Variants in CDH4 observed in about 807,000 individuals in gnomAD.
CDH4 encodes the protein cadherin 4, also known as cadherin-4.
CDH4 carries 33 observed loss-of-function variants against 86.0 expected under a neutral mutation model. The observed-to-expected ratio is 0.38, with a 90% CI of 0.29 to 0.51. CDH4 has a LOEUF of 0.51. CDH4 is among the 20% of genes least tolerant of loss of function. CDH4 has a pLI of 0.86. For missense variants in CDH4, 1,114 were observed against 1,307.4 expected, an observed-to-expected ratio of 0.85 and a Z score of 2.28; for synonymous variants, 555 against 549.4, an observed-to-expected ratio of 1.01 and a Z score of -0.14.
At chr20:61,710,657 C>T (rs2087880086) in intron 2 of CDH4, among the ~76,000 whole-genome samples, 1 of 152,360 alleles carries the variant, frequency 6.6e-6, no homozygotes, top group Middle Eastern at 3.4e-3. Flanking sequence ...GAGGAAGGGG[C>T]AAGGGCCCAT....
chr20:61,299,054 G>C (rs182190168), intron 2 of CDH4, among the ~76,000 whole-genome samples: 5 of 152,072 alleles, frequency 3.3e-5, no homozygotes, highest in Non-Finnish European at 7.4e-5. Flanking sequence ...GAACCTGTGC[G>C]CGTGATCATA....
chr20:61,549,779 C>T, intron 2 of CDH4, among the ~76,000 whole-genome samples: 1 of 152,256 alleles, frequency 6.6e-6, no homozygotes. Context: ...AGTCCAGATA[C>T]ATGAGCGCTT....
chr20:61,477,127 C>T (rs6121597), intron 2 of CDH4, among the ~76,000 whole-genome samples: 1,556 of 152,238 alleles, frequency 0.01, 31 homozygotes, highest in African/African-American at 0.036. Context: ...GGGAGAGATG[C>T]CTGGTCCCTG....
chr20:61,907,883 C>T (rs1043065082), intron 8 of CDH4, among the ~76,000 whole-genome samples: 2 of 152,160 alleles, frequency 1.3e-5, no homozygotes, highest in Non-Finnish European at 1.5e-5. Context: ...TGTGGCTGAG[C>T]GTGGCCATCG....
At chr20:61,295,512 A>G (rs2084347297) in intron 2 of CDH4, among the ~76,000 whole-genome samples, 1 of 152,238 alleles carries the variant, frequency 6.6e-6, no homozygotes, top group South Asian at 2.1e-4. Context: ...AGTAATCAGT[A>G]GCAATGGCCG....
At chr20:61,640,648 T>G (rs1025644772) in intron 2 of CDH4, among the ~76,000 whole-genome samples, 1 of 152,178 alleles carries the variant, frequency 6.6e-6, no homozygotes, top group East Asian at 1.9e-4. Flanking sequence ...CGAGACGGAC[T>G]GGAGATGCAT....
chr20:61,418,425 A>T (rs2085158973), intron 2 of CDH4, among the ~76,000 whole-genome samples: 1 of 151,930 alleles, frequency 6.6e-6, no homozygotes, highest in African/African-American at 2.4e-5. Context: ...GTTAGCCAGG[A>T]TGGTCTCGAT....
rs536872054 is a variant in CDH4, at chr20:61,659,726, C to T, written c.170-83837C>T. ...GCCTCAGGCATCCGAGGCTTGGAGG[C>T]AGGAGGAGGGTGGGCCTCAGCCATC... On this transcript the variant is annotated intron_variant, in intron 2 of 15. Coordinates refer to ENST00000614565, the MANE Select transcript of CDH4 (RefSeq NM_001794.5). Among the ~76,000 whole-genome samples the T allele has an allele frequency of 6.2e-4, 93 of 151,064 alleles. 1 individual carries two copies. The highest frequency in any genetic ancestry group is 2.0e-3 in the African/African-American group (83 of 40,896).
intron 2 of CDH4, among the ~76,000 whole-genome samples, chr20:61,292,118 C>A (rs1448512253): frequency 6.6e-6 from 1 of 152,206 alleles, no homozygotes; most frequent in African/African-American, 2.4e-5. Context: ...CTTGATCCAG[C>A]AATCCCACTA....
chr20:61,408,591 A>G (rs1193913141), intron 2 of CDH4, among the ~76,000 whole-genome samples: 4 of 152,182 alleles, frequency 2.6e-5, no homozygotes, highest in African/African-American at 9.7e-5. Flanking sequence ...CAGAGGGTGA[A>G]CAAAGCAATA....
At chr20:61,577,834 A>G (rs2145714805) in intron 2 of CDH4, among the ~76,000 whole-genome samples, 1 of 152,286 alleles carries the variant, frequency 6.6e-6, no homozygotes. Context: ...GACATAATGA[A>G]CATTTCTGAT....
chr20:61,454,372 T>A (rs1250100811), intron 2 of CDH4, among the ~76,000 whole-genome samples: 1 of 151,986 alleles, frequency 6.6e-6, no homozygotes, highest in African/African-American at 2.4e-5. Flanking sequence ...GGCACCCGGG[T>A]CAAACACGGG....
chr20:61,552,102 G>A (rs949577672), intron 2 of CDH4, among the ~76,000 whole-genome samples: 1 of 152,148 alleles, frequency 6.6e-6, no homozygotes, highest in Admixed American at 6.5e-5. Flanking sequence ...CTCCTAAAGT[G>A]CAGGCAAGCA....
At chr20:61,304,798 G>A (rs4812295) in intron 2 of CDH4, among the ~76,000 whole-genome samples, 3,481 of 151,852 alleles carry the variant, frequency 0.023, 67 homozygotes, top group Non-Finnish European at 0.034. Context: ...TGCAATGCAT[G>A]TATTGTGTGT....
intron 2 of CDH4, among the ~76,000 whole-genome samples, chr20:61,647,780 A>G (rs550055971): frequency 1.3e-5 from 2 of 152,142 alleles, no homozygotes; most frequent in East Asian, 3.9e-4. Context: ...TGACCCATCT[A>G]TTGCCTCTGA....
rs116581537 is a variant in CDH4 at position 61,532,125 on chromosome 20, G to A, written c.170-211438G>A. The stretch of plus-strand genomic sequence containing the variant: ...AGACCCTAAGAAGCTGCTGCCCTCC[G>A]TGTCCTGACTGTGTGAGGACACACT... On this transcript the variant is annotated intron_variant, in intron 2 of 15. Transcript: ENST00000614565. 6.3e-3 allele frequency among the ~76,000 whole-genome samples: 952 copies of A among 152,268 alleles called. 13 individuals are homozygous for A. The highest frequency in any genetic ancestry group is 0.021 in the African/African-American group (886 of 41,560).
chr20:61,562,684 A>G (rs1177296432), intron 2 of CDH4, among the ~76,000 whole-genome samples: 1 of 152,266 alleles, frequency 6.6e-6, no homozygotes, highest in Non-Finnish European at 1.5e-5. Context: ...AGAGCAATAC[A>G]GGAGTCTGTT....
chr20:61,859,001 G>A (rs1363281774), intron 6 of CDH4, among the ~76,000 whole-genome samples: 1 of 152,176 alleles, frequency 6.6e-6, no homozygotes, highest in East Asian at 1.9e-4. Context: ...TCTGCCAGAG[G>A]GGCTGCCCCA....
rs546446766 is a variant in CDH4, at chr20:61,626,312, C to T, written c.170-117251C>T. Among the ~76,000 whole-genome samples, 5 of 152,326 alleles carry T rather than the reference C, an allele frequency of 3.3e-5. No homozygotes were observed. In the East Asian group the frequency reaches 5.8e-4, roughly 18 times the overall value. ...AGGCGACCTCTGCACCCTCCAAAGA[C>T]GACCTGGAGCTGCAGAGGCCAGTTT... is the stretch of plus-strand genomic sequence containing the variant. On this transcript the variant is annotated intron_variant, in intron 2 of 15. Transcript: ENST00000614565.
Sources: gnomAD v4.1 joint callset for allele counts (sites outside exome capture counted in the v4.1 genomes callset) on GRCh38, gnomAD v4.1.1 for gene constraint, MANE v1.5 for transcripts, NCBI Gene and HGNC (gene_info 2026-07-23, HGNC 2026-07-21) for gene names.